The following ROBO1 variants were observed in gnomAD, a reference collection of about 807,000 sequenced individuals.
The protein encoded by ROBO1 is roundabout guidance receptor 1.
ROBO1 carries 149 observed loss-of-function variants against 195.9 expected under a neutral mutation model. The ratio of observed to expected loss-of-function variants is 0.76; its 90% CI spans 0.67 to 0.87. ROBO1 has a LOEUF of 0.87. Ranked by LOEUF, ROBO1 falls within the 40% of genes least tolerant of loss-of-function variation. The pLI is 0.00. For missense variants in ROBO1, 1,933 were observed against 2,068.3 expected, an observed-to-expected ratio of 0.93 and a Z score of 1.27; for synonymous variants, 816 against 733.2, an observed-to-expected ratio of 1.11 and a Z score of -1.82.
chr3:78,703,836 T>C (rs78322051), intron 8 of ROBO1, among the ~76,000 whole-genome samples: 1 of 141,048 alleles, frequency 7.1e-6, no homozygotes, highest in Non-Finnish European at 1.5e-5. Context: ...TATATATATA[T>C]AAAATCCTCC....
intron 4 of ROBO1, among the ~76,000 whole-genome samples, chr3:78,845,247 G>C (rs2033576740): frequency 8.4e-6 from 1 of 118,844 alleles, no homozygotes; most frequent in African/African-American, 3.3e-5. Flanking sequence ...TCAGATGTGT[G>C]TAAGTATAAA....
At chr3:78,615,809 T>C (rs983188333) in intron 27 of ROBO1, among the ~76,000 whole-genome samples, 3 of 152,182 alleles carry the variant, frequency 2.0e-5, no homozygotes, top group African/African-American at 4.8e-5. Context: ...ATAATATACA[T>C]TAACACAGCC....
intron 10 of ROBO1, among the ~76,000 whole-genome samples, chr3:78,673,834 A>G (rs1708241727): frequency 6.6e-6 from 1 of 151,646 alleles, no homozygotes; most frequent in African/African-American, 2.4e-5. Context: ...CACGTACAAA[A>G]AGTCACATTA....
chr3:79,056,125 ATTG>A (rs1265939960), intron 3 of ROBO1, among the ~76,000 whole-genome samples: 4 of 152,108 alleles, frequency 2.6e-5, no homozygotes, highest in African/African-American at 4.8e-5. Context: ...GATCTTAAAG[ATTG>A]TTTTTTTCAT....
intron 8 of ROBO1, among the ~76,000 whole-genome samples, chr3:78,689,618 T>C (rs1484247571): frequency 6.6e-6 from 1 of 152,108 alleles, no homozygotes; most frequent in Non-Finnish European, 1.5e-5. Flanking sequence ...TTTACACTTT[T>C]CCAATTCATT....
intron 2 of ROBO1, among the ~76,000 whole-genome samples, chr3:79,198,605 T>C (rs1220966462): frequency 6.6e-6 from 1 of 152,100 alleles, no homozygotes; most frequent in Non-Finnish European, 1.5e-5. Context: ...GGGGATAGCA[T>C]TGAATCTATA....
chr3:79,588,289 T>G (rs1456964261), intron 2 of ROBO1, among the ~76,000 whole-genome samples: 1 of 151,740 alleles, frequency 6.6e-6, no homozygotes, highest in Non-Finnish European at 1.5e-5. Flanking sequence ...AAGGTAACAT[T>G]TTTTATTCCC....
intron 2 of ROBO1, among the ~76,000 whole-genome samples, chr3:79,208,720 T>TGTGTGTGTGC (rs1491298852): frequency 1.2e-4 from 17 of 139,970 alleles, no homozygotes; most frequent in African/African-American, 4.1e-4. Context: ...TGTGTGTGTG[T>TGTGTGTGTGC]GCGCCTGCAT....
chr3:79,031,795 AAC>A (rs1246777658), intron 3 of ROBO1, among the ~76,000 whole-genome samples: 1 of 152,182 alleles, frequency 6.6e-6, no homozygotes. Context: ...TAGAAAACTG[AAC>A]ACTTTTTCAA....
At chr3:79,340,113 C>G (rs1381199727) in intron 2 of ROBO1, among the ~76,000 whole-genome samples, 1 of 152,210 alleles carries the variant, frequency 6.6e-6, no homozygotes, top group African/African-American at 2.4e-5. Flanking sequence ...CACCCAGTCT[C>G]TGTCACTCAT....
intron 2 of ROBO1, among the ~76,000 whole-genome samples, chr3:79,490,507 C>G (rs149844298): frequency 6.6e-6 from 1 of 152,070 alleles, no homozygotes; most frequent in Non-Finnish European, 1.5e-5. Context: ...AGAAAACAGG[C>G]GCAGAAGAAG....
intron 2 of ROBO1, among the ~76,000 whole-genome samples, chr3:79,135,064 G>A (rs1354504753): frequency 5.4e-5 from 8 of 147,114 alleles, no homozygotes; most frequent in African/African-American, 2.0e-4. Context: ...AAAAAAAATT[G>A]AGTGTCTTAG....
chr3:79,243,797 G>T (rs2082569904), intron 2 of ROBO1, among the ~76,000 whole-genome samples: 1 of 152,062 alleles, frequency 6.6e-6, no homozygotes, highest in African/African-American at 2.4e-5. Context: ...TCACTCTGAT[G>T]GTAGTTTCTT....
At position 79,323,184 on chromosome 3, in the gene ROBO1, C is replaced by T. The variant is rs980141715; in HGVS notation, c.89-197645G>A. Among the ~76,000 whole-genome samples, 6 of 151,886 alleles carry T rather than the reference C, an allele frequency of 4.0e-5. No homozygotes were observed. In the East Asian group the frequency reaches 1.2e-3, roughly 30 times the overall value. ...GCAACCTCTGCCTCCTGGGTTCAAG[C>T]TATTCTTCTGCCTTAGCCCCCCAAG... is the stretch of plus-strand genomic sequence containing the variant. On this transcript the variant is annotated intron_variant, in intron 2 of 30. Transcript: ENST00000464233.
At chr3:79,476,203 T>C (rs1938538400) in intron 2 of ROBO1, among the ~76,000 whole-genome samples, 1 of 152,004 alleles carries the variant, frequency 6.6e-6, no homozygotes, top group South Asian at 2.1e-4. Flanking sequence ...GTGATACCAG[T>C]TTACTTCTGC....
chr3:78,658,612 A>C (rs924948044), intron 17 of ROBO1, among the ~76,000 whole-genome samples: 2 of 152,222 alleles, frequency 1.3e-5, no homozygotes, highest in African/African-American at 4.8e-5. Context: ...TGATGTTCTC[A>C]AGCAATATAT....
chr3:78,992,019 A>C (rs903461853), intron 3 of ROBO1, among the ~76,000 whole-genome samples: 2 of 152,242 alleles, frequency 1.3e-5, no homozygotes, highest in Non-Finnish European at 2.9e-5. Flanking sequence ...CTACATTTTA[A>C]ATTATGGCTA....
chr3:79,341,403 C>T (rs1487186915), intron 2 of ROBO1, among the ~76,000 whole-genome samples: 1 of 152,132 alleles, frequency 6.6e-6, no homozygotes, highest in Non-Finnish European at 1.5e-5. Flanking sequence ...TTTTTTATGT[C>T]ATTTTAATTT....
chr3:78,946,820 G>A (rs2040471891), intron 3 of ROBO1, among the ~76,000 whole-genome samples: 2 of 152,116 alleles, frequency 1.3e-5, no homozygotes, highest in African/African-American at 4.8e-5. Context: ...ATAAAGGGAT[G>A]GAGAAAGATC....
Sources: gnomAD v4.1 joint callset for allele counts (sites outside exome capture counted in the v4.1 genomes callset) on GRCh38, gnomAD v4.1.1 for gene constraint, MANE v1.5 for transcripts, NCBI Gene and HGNC (gene_info 2026-07-23, HGNC 2026-07-21) for gene names.